Variants in DPYD observed in about 807,000 individuals in gnomAD.
The protein encoded by DPYD is dihydropyrimidine dehydrogenase.
Under a neutral mutation model 116.2 loss-of-function variants are expected in DPYD, and 109 were observed. The observed-to-expected ratio is 0.94, with a 90% CI of 0.80 to 1.10. The LOEUF (loss-of-function observed/expected upper bound fraction) is 1.10, where lower values mean the gene tolerates loss of function less well. Ranked by LOEUF, DPYD falls within the 50% of genes least tolerant of loss-of-function variation. The pLI is 0.00. For synonymous variants in DPYD, 440 were observed against 432.0 expected, an observed-to-expected ratio of 1.02 and a Z score of -0.23; for missense variants, 1,302 against 1,254.5, an observed-to-expected ratio of 1.04 and a Z score of -0.57.
At chr1:97,723,156 G>A (rs1257888437) in intron 4 of DPYD, among the ~76,000 whole-genome samples, 1 of 151,568 alleles carries the variant, frequency 6.6e-6, no homozygotes, top group Admixed American at 6.6e-5. Context: ...AGCATTCGTG[G>A]TGGTTTAACA....
chr1:97,550,875 A>T (rs1490016387), intron 11 of DPYD, among the ~76,000 whole-genome samples: 4 of 152,226 alleles, frequency 2.6e-5, no homozygotes, highest in African/African-American at 7.2e-5. Flanking sequence ...TCTTCTGAGT[A>T]AAATAGAGGA....
At chr1:97,322,276 G>T (rs896709552) in intron 16 of DPYD, among the ~76,000 whole-genome samples, 98 of 135,024 alleles carry the variant, frequency 7.3e-4, no homozygotes, top group African/African-American at 2.2e-3. Context: ...AATTAGGAAG[G>T]GAAAAAAAAA....
intron 1 of DPYD, among the ~76,000 whole-genome samples, chr1:97,891,377 C>T (rs1672766668): frequency 2.0e-5 from 3 of 151,782 alleles, no homozygotes; most frequent in Admixed American, 2.0e-4. Context: ...CTTTACCAAA[C>T]ATTTTCAGTA....
chr1:97,258,261 G>C (rs1210588512), intron 18 of DPYD, among the ~76,000 whole-genome samples: 1 of 152,120 alleles, frequency 6.6e-6, no homozygotes, highest in Admixed American at 6.6e-5. Flanking sequence ...CAAGAAAACA[G>C]AGCCCCACTT....
intron 2 of DPYD, among the ~76,000 whole-genome samples, chr1:97,860,719 A>C (rs922519180): frequency 7.9e-5 from 12 of 152,122 alleles, no homozygotes; most frequent in Admixed American, 2.0e-4. Flanking sequence ...AAAATGGCTA[A>C]AACTATTTCT....
chr1:97,323,741 T>G (rs933726639), intron 16 of DPYD, among the ~76,000 whole-genome samples: 1 of 148,190 alleles, frequency 6.7e-6, no homozygotes, highest in Non-Finnish European at 1.5e-5. Context: ...CATATATATA[T>G]AATATATTTA....
chr1:97,641,386 A>G (rs1364105406), intron 8 of DPYD, among the ~76,000 whole-genome samples: 1 of 152,156 alleles, frequency 6.6e-6, no homozygotes, highest in Admixed American at 6.6e-5. Flanking sequence ...CAGATATAAA[A>G]GACTTTCTAA....
chr1:97,193,943 A>G (rs1658566786), intron 19 of DPYD, among the ~76,000 whole-genome samples: 2 of 152,166 alleles, frequency 1.3e-5, no homozygotes, highest in African/African-American at 4.8e-5. Context: ...GGCTTCCAGG[A>G]GCCCAGAATA....
chr1:97,833,643 A>G (rs930191191), intron 2 of DPYD, among the ~76,000 whole-genome samples: 10 of 152,132 alleles, frequency 6.6e-5, no homozygotes, highest in African/African-American at 2.4e-4. Flanking sequence ...AGATTAAATG[A>G]GGTAATATAT....
intron 14 of DPYD, among the ~76,000 whole-genome samples, chr1:97,392,723 A>C (rs899108725): frequency 1.8e-4 from 28 of 152,096 alleles, no homozygotes; most frequent in African/African-American, 6.8e-4. Context: ...TTCTTTGCTC[A>C]TTCATAAGAA....
At chr1:97,696,774 G>GGTATGCTT (rs1415894387) in intron 6 of DPYD, among the ~76,000 whole-genome samples, 1 of 152,002 alleles carries the variant, frequency 6.6e-6, no homozygotes, top group Non-Finnish European at 1.5e-5. Context: ...CTCTGACAGA[G>GGTATGCTT]GTATGCTTCA....
intron 14 of DPYD, among the ~76,000 whole-genome samples, chr1:97,449,212 A>T (rs1336565294): frequency 3.3e-5 from 5 of 152,196 alleles, no homozygotes; most frequent in South Asian, 2.1e-4. Context: ...TCTTTGAAAG[A>T]CATATGTAGG....
At chr1:97,644,363 T>C (rs1352011839) in intron 8 of DPYD, among the ~76,000 whole-genome samples, 2 of 152,178 alleles carry the variant, frequency 1.3e-5, no homozygotes, top group Admixed American at 1.3e-4. Context: ...CAGGTAACTA[T>C]ATGTTGCAAA....
At chr1:97,693,283 T>C (rs1422362947) in intron 6 of DPYD, among the ~76,000 whole-genome samples, 9 of 97,148 alleles carry the variant, frequency 9.3e-5, no homozygotes, top group Non-Finnish European at 1.6e-4. Context: ...AGAGCCAGAC[T>C]CCGTCTCAAA....
intron 3 of DPYD, among the ~76,000 whole-genome samples, chr1:97,749,319 C>A (rs1271779914): frequency 6.6e-6 from 1 of 152,090 alleles, no homozygotes; most frequent in Non-Finnish European, 1.5e-5. Context: ...TATTTATGCA[C>A]AATAAGGATA....
intron 20 of DPYD, among the ~76,000 whole-genome samples, chr1:97,100,390 AC>A (rs1233947261): frequency 6.6e-6 from 1 of 151,858 alleles, no homozygotes; most frequent in Admixed American, 6.6e-5. Flanking sequence ...TCAGAATGTC[AC>A]CCCCTGCGTG....
intron 16 of DPYD, among the ~76,000 whole-genome samples, chr1:97,337,083 A>G (rs80283604): frequency 0.064 from 9,742 of 152,236 alleles, 411 homozygotes; most frequent in African/African-American, 0.12. Context: ...CTGAATGACC[A>G]GAAAGGAAGG....
intron 16 of DPYD, among the ~76,000 whole-genome samples, chr1:97,323,790 C>T (rs893358800): frequency 3.3e-5 from 5 of 150,204 alleles, no homozygotes; most frequent in African/African-American, 4.9e-5. Context: ...GTACAAATAG[C>T]GTTCTTTATA....
At chr1:97,180,749 G>A (rs1368097226) in intron 20 of DPYD, among the ~76,000 whole-genome samples, 4 of 152,064 alleles carry the variant, frequency 2.6e-5, no homozygotes, top group South Asian at 2.1e-4. Flanking sequence ...ATTTGATGAA[G>A]TATGAGGAAT....
Sources: allele counts gnomAD v4.1 joint callset (sites outside exome capture counted in the v4.1 genomes callset), GRCh38; gene constraint gnomAD v4.1.1; transcripts MANE v1.5; gene names NCBI Gene and HGNC (gene_info 2026-07-23, HGNC 2026-07-21).